Variants in MAP4K3 observed in about 807,000 individuals in gnomAD.
The protein encoded by MAP4K3 is MAPK/ERK kinase kinase kinase 3.
In MAP4K3, 94 loss-of-function variants were observed where a neutral mutation model predicts 143.5. That is an observed-to-expected ratio of 0.65 (90% CI 0.55 to 0.78). MAP4K3 has a LOEUF of 0.78. Ranked by LOEUF, MAP4K3 falls within the 30% of genes least tolerant of loss-of-function variation. The pLI is 0.00. For synonymous variants in MAP4K3, 416 were observed against 347.2 expected, an observed-to-expected ratio of 1.20 and a Z score of -2.20; for missense variants, 1,077 against 1,068.1, an observed-to-expected ratio of 1.01 and a Z score of -0.12.
chr2:39,411,516 A>G (rs1463011973), intron 1 of MAP4K3, among the ~76,000 whole-genome samples: 2 of 152,302 alleles, frequency 1.3e-5, no homozygotes, highest in South Asian at 2.1e-4. Flanking sequence ...ACACAAAGAT[A>G]TGGTTTATGC....
intron 29 of MAP4K3, 29 bp downstream of exon 29, chr2:39,260,577 C>A: frequency 6.3e-7 from 1 of 1,596,686 alleles, no homozygotes; most frequent in Non-Finnish European, 8.6e-7. Flanking sequence ...ATATGTATTA[C>A]CCTTAATAAT....
At chr2:39,369,205 G>GTTTTTTTTTTT (rs68013609) in intron 2 of MAP4K3, among the ~76,000 whole-genome samples, 1 of 125,380 alleles carries the variant, frequency 8.0e-6, no homozygotes, top group Non-Finnish European at 1.6e-5. Flanking sequence ...TTTTTTTTTT[G>GTTTTTTTTTTT]TTTTTTTTGA....
intron 12 of MAP4K3, among the ~76,000 whole-genome samples, chr2:39,319,739 G>C (rs966574532): frequency 3.3e-5 from 5 of 152,112 alleles, no homozygotes; most frequent in Admixed American, 2.0e-4. Flanking sequence ...CAGTAGATAA[G>C]AACCTAGACA....
chr2:39,392,809 G>C (rs963732193), intron 1 of MAP4K3, among the ~76,000 whole-genome samples: 1 of 152,058 alleles, frequency 6.6e-6, no homozygotes. Flanking sequence ...TTGATCTTTC[G>C]CCCTTACTCT....
intron 20 of MAP4K3, among the ~76,000 whole-genome samples, chr2:39,287,700 C>T (rs980246882): frequency 6.6e-6 from 1 of 152,214 alleles, no homozygotes; most frequent in South Asian, 2.1e-4. Flanking sequence ...GAGGCAAATA[C>T]CTAGCAAATA....
intron 1 of MAP4K3, among the ~76,000 whole-genome samples, chr2:39,415,812 G>T (rs930872941): frequency 1.3e-5 from 2 of 150,354 alleles, no homozygotes; most frequent in African/African-American, 2.4e-5. Flanking sequence ...TATTAGCCAG[G>T]CATGGTGGTG....
chr2:39,275,810 T>C (rs1308263474), intron 24 of MAP4K3, among the ~76,000 whole-genome samples: 1 of 152,238 alleles, frequency 6.6e-6, no homozygotes, highest in Non-Finnish European at 1.5e-5. Context: ...TGAAACTGTT[T>C]AGTCATGAAT....
intron 8 of MAP4K3, among the ~76,000 whole-genome samples, chr2:39,328,726 C>T (rs913110321): frequency 5.9e-5 from 9 of 152,046 alleles, no homozygotes; most frequent in African/African-American, 1.9e-4. Context: ...ATTTATGCCT[C>T]AATAAACCTG....
chr2:39,323,229 C>T (rs1318041230), intron 12 of MAP4K3: 2 of 152,140 alleles, frequency 1.3e-5, no homozygotes, highest in Non-Finnish European at 2.9e-5. Context: ...AGATTTGTAA[C>T]AATTTATAAT....
chr2:39,413,268 A>C (rs1667279286), intron 1 of MAP4K3, among the ~76,000 whole-genome samples: 1 of 152,194 alleles, frequency 6.6e-6, no homozygotes, highest in South Asian at 2.1e-4. Flanking sequence ...TTTAAGCAAG[A>C]GATGAGAAAA....
chr2:39,403,350 GA>G (rs1374777145), intron 1 of MAP4K3, among the ~76,000 whole-genome samples: 1 of 152,150 alleles, frequency 6.6e-6, no homozygotes, highest in Admixed American at 6.5e-5. Context: ...GAAGATGTCT[GA>G]AAGAGGCACT....
intron 1 of MAP4K3, among the ~76,000 whole-genome samples, chr2:39,386,459 C>G (rs191302164): frequency 2.4e-4 from 36 of 152,304 alleles, no homozygotes; most frequent in African/African-American, 8.2e-4. Context: ...CTTTTGGTAT[C>G]ACATCCAAGA....
At chr2:39,390,565 G>A (rs1414811720) in intron 1 of MAP4K3, among the ~76,000 whole-genome samples, 1 of 152,098 alleles carries the variant, frequency 6.6e-6, no homozygotes, top group Non-Finnish European at 1.5e-5. Flanking sequence ...AGATGAATGG[G>A]GTTTAAGAGA....
intron 4 of MAP4K3, among the ~76,000 whole-genome samples, chr2:39,338,834 G>A (rs1280497793): frequency 6.6e-6 from 1 of 152,184 alleles, no homozygotes; most frequent in Non-Finnish European, 1.5e-5. Flanking sequence ...AGGACACAGT[G>A]TGTGTGCACT....
chr2:39,406,657 A>C (rs1667099580), intron 1 of MAP4K3, among the ~76,000 whole-genome samples: 1 of 152,214 alleles, frequency 6.6e-6, no homozygotes, highest in African/African-American at 2.4e-5. Flanking sequence ...AGTAGAAATC[A>C]AGACTTTCCC....
chr2:39,317,942 T>C (rs528467807), intron 12 of MAP4K3, among the ~76,000 whole-genome samples: 1 of 152,106 alleles, frequency 6.6e-6, no homozygotes. Context: ...CATAAAAACA[T>C]GCACGTTATG....
chr2:39,264,586 T>C (rs1436747450), intron 28 of MAP4K3, among the ~76,000 whole-genome samples: 1 of 152,204 alleles, frequency 6.6e-6, no homozygotes, highest in Non-Finnish European at 1.5e-5. Flanking sequence ...AGTCCATATA[T>C]AATAGCATGG....
chr2:39,295,867 C>G (rs1273172391), intron 16 of MAP4K3, among the ~76,000 whole-genome samples: 1 of 151,860 alleles, frequency 6.6e-6, no homozygotes, highest in Non-Finnish European at 1.5e-5. Context: ...TACAGGCGTG[C>G]ACCACCATGC....
At chr2:39,414,132 C>G (rs1287320476) in intron 1 of MAP4K3, among the ~76,000 whole-genome samples, 1 of 152,070 alleles carries the variant, frequency 6.6e-6, no homozygotes, top group Non-Finnish European at 1.5e-5. Flanking sequence ...GCAACATGTT[C>G]CTAATCTCTA....
Sources: allele counts gnomAD v4.1 joint callset (sites outside exome capture counted in the v4.1 genomes callset), GRCh38; gene constraint gnomAD v4.1.1; transcripts MANE v1.5; gene names NCBI Gene and HGNC (gene_info 2026-07-23, HGNC 2026-07-21).